The following CSMD1 variants were observed in gnomAD, a reference collection of about 807,000 sequenced individuals.
CSMD1 encodes CUB and sushi domain-containing protein 1.
Under a neutral mutation model 417.5 loss-of-function variants are expected in CSMD1, and 213 were observed. The ratio of observed to expected loss-of-function variants is 0.51; its 90% CI spans 0.46 to 0.57. The LOEUF (loss-of-function observed/expected upper bound fraction) is 0.57. CSMD1 is among the 20% of genes least tolerant of loss of function. The probability of loss-of-function intolerance (pLI) is 0.00; values close to 1 mark genes in which losing one functional copy is unlikely to be tolerated. For synonymous variants in CSMD1, 2,862 were observed against 1,736.8 expected (o/e 1.65, Z -16.11); for missense variants, 6,923 against 4,529.7 (o/e 1.53, Z -15.17).
chr8:3,176,346 G>C lies in CSMD1; in HGVS notation c.5725+4764C>G, dbSNP rs192793147. On this transcript the variant is annotated intron_variant, in intron 37 of 69. Transcript: ENST00000635120. ...AATTTATCTGTGAACATCTCTGAAT[G>C]TTTTCACAGTTATGATGAAATCCAT... Among the ~76,000 whole-genome samples the C allele has an allele frequency of 5.3e-5, 8 of 151,472 alleles. No homozygotes were observed. The East Asian group carries it at 1.6e-3, about 30-fold the overall frequency.
intron 3 of CSMD1, among the ~76,000 whole-genome samples, chr8:4,246,347 A>G (rs1460354642): frequency 1.3e-5 from 2 of 152,172 alleles, no homozygotes; most frequent in Non-Finnish European, 2.9e-5. Context: ...TGCAAAGGAC[A>G]CGGTCAGTCC....
At chr8:4,337,519 G>T (rs1585259803) in intron 3 of CSMD1, among the ~76,000 whole-genome samples, 1 of 152,038 alleles carries the variant, frequency 6.6e-6, no homozygotes, top group Non-Finnish European at 1.5e-5. Context: ...TTAATACTCA[G>T]ATCGTAACAT....
At chr8:4,101,163 C>G (rs940149375) in intron 3 of CSMD1, among the ~76,000 whole-genome samples, 5 of 152,228 alleles carry the variant, frequency 3.3e-5, no homozygotes, top group African/African-American at 1.2e-4. Flanking sequence ...TCTATACTGT[C>G]TATGAGTCCA....
At chr8:3,319,984 G>A (rs574142661) in intron 23 of CSMD1, among the ~76,000 whole-genome samples, 1 of 152,088 alleles carries the variant, frequency 6.6e-6, no homozygotes, top group African/African-American at 2.4e-5. Context: ...CTCTACCAGT[G>A]GCTTAGAAAC....
chr8:3,328,555 G>A (rs1806686379), intron 23 of CSMD1, among the ~76,000 whole-genome samples: 1 of 152,028 alleles, frequency 6.6e-6, no homozygotes, highest in South Asian at 2.1e-4. Flanking sequence ...GTTTTTCCTG[G>A]CCCACAGCAA....
At chr8:3,311,787 T>TCAAG (rs1805371513) in intron 23 of CSMD1, among the ~76,000 whole-genome samples, 1 of 152,150 alleles carries the variant, frequency 6.6e-6, no homozygotes, top group Non-Finnish European at 1.5e-5. Context: ...CGTTTATCAA[T>TCAAG]CATAAGAGAT....
At chr8:3,927,776 A>T (rs570367239) in intron 5 of CSMD1, among the ~76,000 whole-genome samples, 1 of 152,322 alleles carries the variant, frequency 6.6e-6, no homozygotes, top group East Asian at 1.9e-4. Flanking sequence ...ACACTAAGAA[A>T]AATACCAAAT....
At chr8:3,817,768 A>C (rs1170487209) in intron 5 of CSMD1, among the ~76,000 whole-genome samples, 2 of 152,152 alleles carry the variant, frequency 1.3e-5, no homozygotes, top group African/African-American at 4.8e-5. Context: ...AGGTCTTCCA[A>C]AAGCCCCAAT....
rs138787053 is a variant in CSMD1 at position 3,379,566 on chromosome 8, C to G, written c.2782+7928G>C. Reference sequence around the variant, plus strand: ...AAAGCAGATATATAGACCAATGGAACAGAACAGAGGTCTCTGAAATAACAC... The same window carrying G: ...AAAGCAGATATATAGACCAATGGAAGAGAACAGAGGTCTCTGAAATAACAC... On this transcript the variant is annotated intron_variant, in intron 18 of 69. Coordinates refer to ENST00000635120, the MANE Select transcript of CSMD1 (RefSeq NM_033225.6). Among the ~76,000 whole-genome samples the G allele has an allele frequency of 5.3e-5, 8 of 152,236 alleles. No individual in the cohort carries two copies. The East Asian group carries it at 1.5e-3, about 29-fold the overall frequency.
At chr8:3,175,286 T>C (rs1258334062) in intron 37 of CSMD1, among the ~76,000 whole-genome samples, 1 of 152,210 alleles carries the variant, frequency 6.6e-6, no homozygotes, top group Non-Finnish European at 1.5e-5. Flanking sequence ...TTGTTATATT[T>C]GTTTTCTTCC....
Position 4,068,612 on chromosome 8 carries a change from G to C in CSMD1, c.416-36513C>G, listed in dbSNP as rs77845634. On this transcript the variant is annotated intron_variant, in intron 3 of 69. Coordinates refer to ENST00000635120, the MANE Select transcript of CSMD1 (RefSeq NM_033225.6). Reference sequence around the variant, plus strand: ...GTAATGATTGCAGAAAACATATCTAGTTCATATAATGTTACCATATCAGTG... The same window carrying C: ...GTAATGATTGCAGAAAACATATCTACTTCATATAATGTTACCATATCAGTG... 2.0e-5 allele frequency among the ~76,000 whole-genome samples: 3 copies of C among 152,012 alleles called. No individual in the cohort carries two copies. The East Asian group carries it at 5.8e-4, about 29-fold the overall frequency.
chr8:3,626,857 T>C (rs1430409533), intron 7 of CSMD1, among the ~76,000 whole-genome samples: 1 of 149,586 alleles, frequency 6.7e-6, no homozygotes, highest in Non-Finnish European at 1.5e-5. Context: ...TAAATAAGTG[T>C]ATTTACATAA....
intron 26 of CSMD1, among the ~76,000 whole-genome samples, chr8:3,277,422 C>T (rs13255711): frequency 0.23 from 35,079 of 151,972 alleles, 4,217 homozygotes; most frequent in South Asian, 0.31. Flanking sequence ...AGACCCCCAG[C>T]GGCGTAGACC....
intron 37 of CSMD1, among the ~76,000 whole-genome samples, 195 bp from the exon 38 acceptor site, chr8:3,162,472 A>G (rs895870571): frequency 6.6e-6 from 1 of 152,188 alleles, no homozygotes; most frequent in Non-Finnish European, 1.5e-5. Context: ...TAAAAATTAA[A>G]TTATCTTATT....
At chr8:3,254,335 A>C (rs916083903) in intron 26 of CSMD1, among the ~76,000 whole-genome samples, 3 of 152,076 alleles carry the variant, frequency 2.0e-5, no homozygotes, top group African/African-American at 7.2e-5. Context: ...ACTTTGGTGA[A>C]TCTGACAATT....
chr8:4,619,957 G>A (rs959392815), intron 2 of CSMD1, among the ~76,000 whole-genome samples: 3 of 151,922 alleles, frequency 2.0e-5, no homozygotes, highest in African/African-American at 7.2e-5. Context: ...ATATGCTGAA[G>A]AATTAGCATA....
intron 3 of CSMD1, among the ~76,000 whole-genome samples, chr8:4,361,252 G>A (rs1381780265): frequency 1.3e-5 from 2 of 152,028 alleles, no homozygotes; most frequent in Non-Finnish European, 2.9e-5. Flanking sequence ...GGAAGGAAAA[G>A]GCGTAAAAGA....
intron 3 of CSMD1, among the ~76,000 whole-genome samples, chr8:4,202,769 T>A (rs1050156075): frequency 6.6e-6 from 1 of 152,152 alleles, no homozygotes; most frequent in Non-Finnish European, 1.5e-5. Context: ...ATGATAGTGA[T>A]AGAACAGAGA....
At chr8:4,991,033 G>C (rs996808549) in intron 1 of CSMD1, among the ~76,000 whole-genome samples, 4 of 152,088 alleles carry the variant, frequency 2.6e-5, no homozygotes, top group African/African-American at 9.7e-5. Flanking sequence ...TAGTAGTGTT[G>C]TGTGTGCTCT....
Sources: gnomAD v4.1 joint callset for allele counts (sites outside exome capture counted in the v4.1 genomes callset) on GRCh38, gnomAD v4.1.1 for gene constraint, MANE v1.5 for transcripts, NCBI Gene and HGNC (gene_info 2026-07-23, HGNC 2026-07-21) for gene names.